SGCZ: variants seen among roughly 807,000 people sequenced by gnomAD.
SGCZ encodes zeta-sarcoglycan.
Under a neutral mutation model 41.3 loss-of-function variants are expected in SGCZ, and 40 were observed. The observed-to-expected ratio is 0.97, with a 90% CI of 0.75 to 1.26. The LOEUF (loss-of-function observed/expected upper bound fraction) is 1.26. Ranked by LOEUF, SGCZ falls within the 50% of genes most tolerant of loss-of-function variation. The pLI is 0.00. For synonymous variants in SGCZ, 206 were observed against 137.5 expected (o/e 1.50, Z -3.49); for missense variants, 552 against 369.8 (o/e 1.49, Z -4.04).
chr8:14,555,101 T>A (rs1344408790), intron 1 of SGCZ, among the ~76,000 whole-genome samples, 175 bp from the exon 2 acceptor site: 1 of 152,092 alleles, frequency 6.6e-6, no homozygotes, highest in African/African-American at 2.4e-5. Context: ...CGAATCATTT[T>A]GTTCAATATA....
intron 3 of SGCZ, among the ~76,000 whole-genome samples, chr8:14,285,140 G>A (rs572238230): frequency 6.6e-6 from 1 of 152,022 alleles, no homozygotes; most frequent in African/African-American, 2.4e-5. Context: ...GTTTCATTCA[G>A]TTCCTTGGTC....
intron 2 of SGCZ, among the ~76,000 whole-genome samples, chr8:14,491,159 T>C (rs984790122): frequency 6.6e-6 from 1 of 152,208 alleles, no homozygotes; most frequent in African/African-American, 2.4e-5. Context: ...GGTACATGTC[T>C]TATGAAGCAG....
chr8:14,717,261 T>C (rs988584189), intron 1 of SGCZ, among the ~76,000 whole-genome samples: 1 of 152,172 alleles, frequency 6.6e-6, no homozygotes, highest in Admixed American at 6.6e-5. Flanking sequence ...CAAATGATTA[T>C]AGAGTGAAAA....
intron 4 of SGCZ, among the ~76,000 whole-genome samples, chr8:14,205,057 A>G (rs1320817271): frequency 6.6e-6 from 1 of 152,204 alleles, no homozygotes; most frequent in Non-Finnish European, 1.5e-5. Context: ...CATCAAGTCT[A>G]TCTATACTAT....
At chr8:15,042,150 A>C (rs1428661241) in intron 1 of SGCZ, among the ~76,000 whole-genome samples, 2 of 152,194 alleles carry the variant, frequency 1.3e-5, no homozygotes, top group Non-Finnish European at 2.9e-5. Context: ...GCTCTGAGTT[A>C]GGATGATGAG....
intron 2 of SGCZ, among the ~76,000 whole-genome samples, chr8:14,367,157 A>G (rs1265433807): frequency 2.6e-5 from 4 of 152,132 alleles, no homozygotes; most frequent in African/African-American, 9.7e-5. Context: ...TCTTCGGGAC[A>G]GGGGCCAAAT....
intron 2 of SGCZ, among the ~76,000 whole-genome samples, chr8:14,447,475 C>T (rs552145863): frequency 4.6e-5 from 7 of 152,014 alleles, no homozygotes; most frequent in Non-Finnish European, 1.0e-4. Context: ...AATTAAATCA[C>T]TAATAATGAA....
intron 2 of SGCZ, among the ~76,000 whole-genome samples, chr8:14,429,054 T>C (rs191428754): frequency 3.1e-4 from 47 of 152,290 alleles, no homozygotes; most frequent in African/African-American, 1.1e-3. Context: ...ACCTAGCACG[T>C]TATACAAACT....
intron 3 of SGCZ, among the ~76,000 whole-genome samples, chr8:14,286,737 T>C (rs1800647152): frequency 6.6e-6 from 1 of 152,142 alleles, no homozygotes; most frequent in Non-Finnish European, 1.5e-5. Context: ...ACTGTATTCT[T>C]AGGCCATATT....
chr8:14,347,856 A>G (rs1181332302), intron 2 of SGCZ, among the ~76,000 whole-genome samples: 3 of 152,134 alleles, frequency 2.0e-5, no homozygotes, highest in Admixed American at 1.3e-4. Flanking sequence ...TGAACGAAAT[A>G]CATGTACTCA....
chr8:14,661,721 G>C (rs184202066), intron 1 of SGCZ, among the ~76,000 whole-genome samples: 1 of 151,980 alleles, frequency 6.6e-6, no homozygotes, highest in South Asian at 2.1e-4. Context: ...GGATCAAAAA[G>C]GAGAGTAGAG....
At chr8:15,145,188 G>A (rs891857633) in intron 1 of SGCZ, among the ~76,000 whole-genome samples, 2 of 152,122 alleles carry the variant, frequency 1.3e-5, no homozygotes, top group Admixed American at 6.5e-5. Context: ...TTACGATTCT[G>A]AAATTCAGCC....
chr8:14,833,046 G>T (rs980874838), intron 1 of SGCZ, among the ~76,000 whole-genome samples: 2 of 151,576 alleles, frequency 1.3e-5, no homozygotes, highest in African/African-American at 2.4e-5. Flanking sequence ...TTTCTCAGTT[G>T]ATTTTTTATA....
chr8:14,896,437 T>TTTTATTGATTTATTTA (rs1554518748), intron 1 of SGCZ, among the ~76,000 whole-genome samples: 2 of 151,306 alleles, frequency 1.3e-5, no homozygotes, highest in African/African-American at 4.9e-5. Context: ...GATGGAAGAC[T>TTTTATTGATTTATTTA]TTTATTTATT....
intron 1 of SGCZ, among the ~76,000 whole-genome samples, chr8:14,591,786 G>T (rs553405436): frequency 5.3e-5 from 8 of 152,208 alleles, no homozygotes; most frequent in African/African-American, 1.9e-4. Context: ...AAGCACTTTT[G>T]ACATTCATGT....
At chr8:14,316,746 CG>C (rs1801729804) in intron 3 of SGCZ, among the ~76,000 whole-genome samples, 1 of 151,656 alleles carries the variant, frequency 6.6e-6, no homozygotes, top group Admixed American at 6.6e-5. Flanking sequence ...ATTCATTCCA[CG>C]GAAATCTTAT....
At chr8:14,762,213 T>C (rs1279845156) in intron 1 of SGCZ, among the ~76,000 whole-genome samples, 1 of 152,170 alleles carries the variant, frequency 6.6e-6, no homozygotes, top group Non-Finnish European at 1.5e-5. Context: ...TTAAATCCTG[T>C]GAGTGAAATT....
chr8:15,102,838 C>T (rs1806666810), intron 1 of SGCZ, among the ~76,000 whole-genome samples: 1 of 152,040 alleles, frequency 6.6e-6, no homozygotes, highest in African/African-American at 2.4e-5. Flanking sequence ...TGAATCTTAT[C>T]ATCTAATTTA....
At chr8:14,428,966 G>C (rs1360138334) in intron 2 of SGCZ, among the ~76,000 whole-genome samples, 1 of 152,122 alleles carries the variant, frequency 6.6e-6, no homozygotes, top group Non-Finnish European at 1.5e-5. Context: ...GTGCATTTTG[G>C]TAAATCAGAT....
Sources: gnomAD v4.1 joint callset for allele counts (sites outside exome capture counted in the v4.1 genomes callset) on GRCh38, gnomAD v4.1.1 for gene constraint, MANE v1.5 for transcripts, NCBI Gene and HGNC (gene_info 2026-07-23, HGNC 2026-07-21) for gene names.